Variants in PTPRN2 observed in about 807,000 individuals in gnomAD.
PTPRN2 encodes protein tyrosine phosphatase receptor type N2.
A neutral mutation model predicts 118.8 loss-of-function variants in PTPRN2; 74 were observed. The ratio of observed to expected loss-of-function variants is 0.62; its 90% CI spans 0.52 to 0.76. PTPRN2 has a LOEUF of 0.76. Ranked by LOEUF, PTPRN2 falls within the 30% of genes least tolerant of loss-of-function variation. The probability of loss-of-function intolerance (pLI) is 0.00; values close to 1 mark genes in which losing one functional copy is unlikely to be tolerated. For missense variants in PTPRN2, 1,481 were observed against 1,394.4 expected (o/e 1.06, Z -0.99); for synonymous variants, 641 against 608.0 (o/e 1.05, Z -0.80).
rs556286046 is a variant in PTPRN2, at chr7:158,445,083, G to A, written c.163+44652C>T. On this transcript the variant is annotated intron_variant, in intron 2 of 22. Transcript: ENST00000389418. ...TTAACCAGGAGGGCTGGGGAGAGCT[G>A]GATGCCCTTCACCCTCGCTGGGCAA... Among the ~76,000 whole-genome samples, 43 of 152,260 alleles carry A rather than the reference G, an allele frequency of 2.8e-4. 1 individual carries two copies. The highest frequency in any genetic ancestry group is 1.0e-3 in the African/African-American group (43 of 41,546).
chr7:157,842,075 C>T (rs912425493), intron 12 of PTPRN2, among the ~76,000 whole-genome samples: 2 of 152,198 alleles, frequency 1.3e-5, no homozygotes, highest in African/African-American at 4.8e-5. Flanking sequence ...TTCGGGGAGG[C>T]CTGGCTGTCA....
chr7:158,221,030 T>A (rs867408861), intron 3 of PTPRN2, among the ~76,000 whole-genome samples: 1 of 151,866 alleles, frequency 6.6e-6, no homozygotes, highest in Non-Finnish European at 1.5e-5. Context: ...CATAGACCAA[T>A]GGAACAGGTT....
rs373081454 is a variant in PTPRN2 at position 158,192,421 on chromosome 7, C to A, written c.455G>T (p.Arg152Leu). 1.3e-6 allele frequency: 2 copies of A among 1,544,808 alleles called. No individual in the cohort carries two copies. ...EGGAALANAL[R>L]RHLPFLEALS... ...GGCCTCCAGGAAGGGCAGGTGGCGT[C>A]GGAGGGCGTTGGCCAGGGCAGCACC... Residue 152 changes from arginine (R) to leucine (L), a missense_variant, in exon 5 of 23, where the codon CGA becomes CTA. Coordinates refer to ENST00000389418, the MANE Select transcript of PTPRN2 (RefSeq NM_002847.5).
At chr7:158,531,512 C>A (rs368213418) in intron 1 of PTPRN2, among the ~76,000 whole-genome samples, 101 of 152,370 alleles carry the variant, frequency 6.6e-4, no homozygotes, top group Middle Eastern at 6.8e-3. Context: ...AGGCTCAGCT[C>A]ATCCCACCTG....
intron 1 of PTPRN2, among the ~76,000 whole-genome samples, chr7:158,558,821 T>G (rs941478752): frequency 1.7e-4 from 26 of 150,518 alleles, no homozygotes; most frequent in African/African-American, 5.9e-4. Flanking sequence ...GCCACTCAGC[T>G]TCTCTGGACA....
At chr7:158,183,562 A>T (rs1410728882) in intron 5 of PTPRN2, among the ~76,000 whole-genome samples, 1 of 152,234 alleles carries the variant, frequency 6.6e-6, no homozygotes, top group South Asian at 2.1e-4. Flanking sequence ...TGTGAGGCAG[A>T]ATGGCTTCCC....
At chr7:158,477,319 TC>T (rs1820346956) in intron 2 of PTPRN2, among the ~76,000 whole-genome samples, 1 of 152,190 alleles carries the variant, frequency 6.6e-6, no homozygotes, top group African/African-American at 2.4e-5. Flanking sequence ...TATCATGCAG[TC>T]CTGTCTGACA....
rs886258655 is a variant in PTPRN2, at chr7:158,067,798, G to A, written c.1723+13500C>T. Among the ~76,000 whole-genome samples, 9 of 151,308 alleles carry A rather than the reference G, an allele frequency of 5.9e-5. No homozygotes were observed. In the East Asian group the frequency reaches 1.2e-3, roughly 20 times the overall value. ...CAGGCCGGGCCGCGGGCAGCACACC[G>A]GGTCGGGTCAGGCTGGGCCGTGGGC... On this transcript the variant is annotated intron_variant, in intron 11 of 22. Coordinates refer to ENST00000389418, the MANE Select transcript of PTPRN2 (RefSeq NM_002847.5).
intron 11 of PTPRN2, among the ~76,000 whole-genome samples, chr7:157,979,915 G>C (rs1282277056): frequency 6.6e-6 from 1 of 152,178 alleles, no homozygotes; most frequent in African/African-American, 2.4e-5. Flanking sequence ...TGGGCAGCTG[G>C]GGGATCTGTG....
chr7:158,487,392 G>T (rs1821105995), intron 2 of PTPRN2, among the ~76,000 whole-genome samples: 1 of 152,168 alleles, frequency 6.6e-6, no homozygotes, highest in Non-Finnish European at 1.5e-5. Context: ...ATTCCCATCA[G>T]CAGCGCACAA....
intron 2 of PTPRN2, among the ~76,000 whole-genome samples, chr7:158,373,949 G>A (rs1042571765): frequency 1.3e-5 from 2 of 152,194 alleles, no homozygotes; most frequent in Non-Finnish European, 2.9e-5. Flanking sequence ...ACTCTCAAAT[G>A]CACAGATGAG....
intron 11 of PTPRN2, among the ~76,000 whole-genome samples, chr7:158,049,073 C>T (rs62480165): frequency 0.023 from 2 of 88 alleles, 1 homozygote; most frequent in Non-Finnish European, 0.059. Flanking sequence ...ATCATCCCAC[C>T]ACTACCATCA....
chr7:157,908,908 T>G (rs1035049816), intron 11 of PTPRN2, among the ~76,000 whole-genome samples: 1 of 152,236 alleles, frequency 6.6e-6, no homozygotes, highest in Non-Finnish European at 1.5e-5. Context: ...TTATTTTTAA[T>G]GAAAATACTT....
chr7:157,730,686 T>C (rs1298064165), intron 12 of PTPRN2, among the ~76,000 whole-genome samples: 3 of 152,202 alleles, frequency 2.0e-5, no homozygotes, highest in African/African-American at 7.2e-5. Context: ...GAGGTGATGA[T>C]GACCACAGTG....
intron 12 of PTPRN2, among the ~76,000 whole-genome samples, chr7:157,725,061 A>G (rs1799450452): frequency 1.3e-5 from 2 of 152,236 alleles, no homozygotes; most frequent in Admixed American, 6.5e-5. Flanking sequence ...CCCATACTAA[A>G]CAAAAATAAA....
chr7:157,881,161 T>C lies in PTPRN2; in HGVS notation c.1788+17512A>G, dbSNP rs930211389. 6.6e-6 allele frequency among the ~76,000 whole-genome samples: 1 copy of C among 151,688 alleles called. No homozygotes were observed. Among genetic ancestry groups the C allele is most frequent in the African/African-American group, 2.4e-5 (1 of 41,242 alleles). On this transcript the variant is annotated intron_variant, in intron 12 of 22. Transcript: ENST00000389418. This position sits in a 1 kb window ranked among gnomAD's most constrained non-coding sequence, Gnocchi z 4.7. Reference sequence around the variant, plus strand: ...GAGGGTATGTGGAGATGGAGGTGTTTACAGGAATCATTACGGTAAAATGAG... The same window carrying C: ...GAGGGTATGTGGAGATGGAGGTGTTCACAGGAATCATTACGGTAAAATGAG...
intron 12 of PTPRN2, chr7:157,739,385 T>C (rs1800490863): frequency 6.6e-6 from 1 of 152,272 alleles, no homozygotes; most frequent in Admixed American, 6.5e-5. Context: ...GGCATCTGCC[T>C]CCAGAGTCTC....
intron 3 of PTPRN2, among the ~76,000 whole-genome samples, chr7:158,221,625 G>GTTTT (rs879691827): frequency 0.035 from 5,383 of 152,226 alleles, 329 homozygotes; most frequent in African/African-American, 0.12. Flanking sequence ...GCAGGCAAAA[G>GTTTT]AGAGAATGAA....
rs1804165065 is a variant in PTPRN2 at position 157,787,782 on chromosome 7, A to G, written c.1789-104845T>C. ...TTTCCCTCGGACTTCATTTGTGCTC[A>G]TGGCTGGGGGAGGCACCTGGGGGCC... On this transcript the variant is annotated intron_variant, in intron 12 of 22. Coordinates refer to ENST00000389418, the MANE Select transcript of PTPRN2 (RefSeq NM_002847.5). This position sits in a 1 kb window ranked among gnomAD's most constrained non-coding sequence, Gnocchi z 5.3. Among the ~76,000 whole-genome samples the G allele has an allele frequency of 6.6e-6, 1 of 151,922 alleles. No homozygotes were observed. Among genetic ancestry groups the G allele is most frequent in the Non-Finnish European group, 1.5e-5 (1 of 67,948 alleles).
Sources: gnomAD v4.1 joint callset for allele counts (sites outside exome capture counted in the v4.1 genomes callset) on GRCh38, gnomAD v4.1.1 for gene constraint, Gnocchi (gnomAD v3.1) non-coding constraint, MANE v1.5 for transcripts, NCBI Gene and HGNC (gene_info 2026-07-23, HGNC 2026-07-21) for gene names.